The following CTNNA3 variants were observed in gnomAD, a reference collection of about 807,000 sequenced individuals.
CTNNA3 encodes the protein catenin alpha-3.
Under a neutral mutation model 95.7 loss-of-function variants are expected in CTNNA3, and 76 were observed. The ratio of observed to expected loss-of-function variants is 0.79; its 90% CI spans 0.66 to 0.96. The LOEUF is 0.96. CTNNA3 is among the 40% of genes least tolerant of loss of function. The pLI is 0.00. For synonymous variants in CTNNA3, 431 were observed against 374.4 expected (o/e 1.15, Z -1.74); for missense variants, 1,191 against 1,089.8 (o/e 1.09, Z -1.31).
At chr10:67,250,036 TA>T (rs1866045862) in intron 5 of CTNNA3, among the ~76,000 whole-genome samples, 1 of 152,226 alleles carries the variant, frequency 6.6e-6, no homozygotes, top group African/African-American at 2.4e-5. Context: ...AAATAGTTGT[TA>T]TACTGTATTT....
chr10:67,055,887 G>C (rs1855399361), intron 7 of CTNNA3, among the ~76,000 whole-genome samples: 1 of 152,072 alleles, frequency 6.6e-6, no homozygotes, highest in African/African-American at 2.4e-5. Context: ...CATGAATATA[G>C]ATTTAGTTAT....
At chr10:66,687,277 G>A (rs190494724) in intron 9 of CTNNA3, among the ~76,000 whole-genome samples, 1 of 152,102 alleles carries the variant, frequency 6.6e-6, no homozygotes, top group African/African-American at 2.4e-5. Flanking sequence ...AAACACTCAA[G>A]ATATATATGT....
At chr10:67,294,764 T>C (rs1564542505) in intron 5 of CTNNA3, among the ~76,000 whole-genome samples, 1 of 152,212 alleles carries the variant, frequency 6.6e-6, no homozygotes, top group Non-Finnish European at 1.5e-5. Context: ...CAGCTGTTAA[T>C]ATCCTTTACC....
intron 10 of CTNNA3, among the ~76,000 whole-genome samples, chr10:66,541,398 T>A (rs1841845845): frequency 6.6e-6 from 1 of 152,134 alleles, no homozygotes; most frequent in Admixed American, 6.6e-5. Context: ...CTCAACAATT[T>A]TTTTTCTGTC....
intron 7 of CTNNA3, chr10:66,926,541 C>A (rs367976356): frequency 9.3e-6 from 15 of 1,612,854 alleles, no homozygotes; most frequent in Non-Finnish European, 1.3e-5. Context: ...GGCCCCTAAG[C>A]CAAAGCAAAA....
chr10:66,245,968 A>G (rs4366387), intron 13 of CTNNA3, among the ~76,000 whole-genome samples: 65,634 of 151,910 alleles, frequency 0.43, 14,567 homozygotes, highest in Admixed American at 0.54. Context: ...GCTCATGGGC[A>G]ACCATTGGTG....
intron 7 of CTNNA3, among the ~76,000 whole-genome samples, chr10:66,972,594 A>G (rs1304047953): frequency 6.6e-6 from 1 of 152,148 alleles, no homozygotes; most frequent in Non-Finnish European, 1.5e-5. Flanking sequence ...TTCAGTTGAT[A>G]AAAATTTATT....
intron 9 of CTNNA3, among the ~76,000 whole-genome samples, chr10:66,641,092 A>G (rs1845502212): frequency 1.3e-5 from 2 of 152,302 alleles, no homozygotes; most frequent in African/African-American, 4.8e-5. Flanking sequence ...AGTGTTGTTT[A>G]TAACAGCAAA....
intron 7 of CTNNA3, among the ~76,000 whole-genome samples, chr10:66,889,548 A>T (rs1845182735): frequency 6.6e-6 from 1 of 152,156 alleles, no homozygotes; most frequent in African/African-American, 2.4e-5. Context: ...AAAGTCTATT[A>T]AAAAAAGAAA....
chr10:67,338,065 T>C (rs1243671405), intron 5 of CTNNA3, among the ~76,000 whole-genome samples: 1 of 152,186 alleles, frequency 6.6e-6, no homozygotes, highest in Non-Finnish European at 1.5e-5. Flanking sequence ...AATTAATTTG[T>C]TTCATCTTCA....
rs1291586964 is a variant in CTNNA3 at position 66,093,117 on chromosome 10, A to C, written c.1977+10040T>G. Among the ~76,000 whole-genome samples the C allele has an allele frequency of 3.3e-5, 5 of 151,984 alleles. 1 individual carries two copies. The highest frequency in any genetic ancestry group is 1.2e-4 in the African/African-American group (5 of 41,436). On this transcript the variant is annotated intron_variant, in intron 14 of 17. Coordinates refer to ENST00000433211, the MANE Select transcript of CTNNA3 (RefSeq NM_013266.4). ...ATCTTTCCCAGATTGAAATTTCAAGAAGCATTTATTAACTCGTATATAAGA... is the reference window on the plus strand; with the variant it reads ...ATCTTTCCCAGATTGAAATTTCAAGCAGCATTTATTAACTCGTATATAAGA...
chr10:66,113,084 C>A (rs1181623052), intron 13 of CTNNA3, among the ~76,000 whole-genome samples: 1 of 152,262 alleles, frequency 6.6e-6, no homozygotes, highest in East Asian at 1.9e-4. Flanking sequence ...TACATTCCCA[C>A]CAACAGAGTA....
intron 13 of CTNNA3, among the ~76,000 whole-genome samples, chr10:66,269,277 A>C (rs2091226028): frequency 6.6e-6 from 1 of 152,192 alleles, no homozygotes; most frequent in Non-Finnish European, 1.5e-5. Flanking sequence ...CAAACCTAAA[A>C]TAAGTTTGTA....
At chr10:66,200,972 G>C (rs2087364317) in intron 13 of CTNNA3, among the ~76,000 whole-genome samples, 3 of 152,084 alleles carry the variant, frequency 2.0e-5, no homozygotes, top group Admixed American at 1.3e-4. Context: ...CATGAAACCA[G>C]TGTTGCCGAC....
intron 9 of CTNNA3, among the ~76,000 whole-genome samples, chr10:66,740,585 A>G (rs944178103): frequency 1.3e-5 from 2 of 152,178 alleles, no homozygotes; most frequent in Non-Finnish European, 2.9e-5. Flanking sequence ...AGCTCTGTTC[A>G]TTTCTCTTTT....
At chr10:66,795,736 ATGT>A (rs1841160251) in intron 7 of CTNNA3, among the ~76,000 whole-genome samples, 1 of 152,174 alleles carries the variant, frequency 6.6e-6, no homozygotes, top group African/African-American at 2.4e-5. Context: ...CATTGAAAAT[ATGT>A]TGTTAAGTGT....
intron 15 of CTNNA3, among the ~76,000 whole-genome samples, chr10:66,024,085 A>ATTCTTTTTTTTTTTTTTT (rs2079283051): frequency 1.1e-5 from 1 of 87,750 alleles, no homozygotes; most frequent in Non-Finnish European, 2.1e-5. Context: ...TACCATACAC[A>ATTCTTTTTTTTTTTTTTT]TTTTTTTTTT....
intron 8 of CTNNA3, among the ~76,000 whole-genome samples, chr10:66,772,420 G>A (rs1840126506): frequency 8.7e-6 from 1 of 115,272 alleles, no homozygotes; most frequent in Admixed American, 1.0e-4. Context: ...GTGAGACTCT[G>A]TCTCAAACAA....
intron 7 of CTNNA3, among the ~76,000 whole-genome samples, chr10:67,110,598 C>CTT (rs1232306905): frequency 6.6e-6 from 1 of 152,090 alleles, no homozygotes; most frequent in African/African-American, 2.4e-5. Flanking sequence ...AAATACAAGC[C>CTT]TTAGATGATC....
Sources: allele counts gnomAD v4.1 joint callset (sites outside exome capture counted in the v4.1 genomes callset), GRCh38; gene constraint gnomAD v4.1.1; transcripts MANE v1.5; gene names NCBI Gene and HGNC (gene_info 2026-07-23, HGNC 2026-07-21).